Variants in SPAG17 observed in about 807,000 individuals in gnomAD.
The protein encoded by SPAG17 is sperm associated antigen 17.
A neutral mutation model predicts 273.6 loss-of-function variants in SPAG17; 169 were observed. The ratio of observed to expected loss-of-function variants is 0.62; its 90% CI spans 0.55 to 0.70. The LOEUF is 0.70. SPAG17 is among the 30% of genes least tolerant of loss of function. The pLI is 0.00. For missense variants in SPAG17, 2,557 were observed against 2,627.8 expected (o/e 0.97, Z 0.59); for synonymous variants, 825 against 873.2 (o/e 0.94, Z 0.97).
chr1:118,183,946 A>G (rs916941740), intron 1 of SPAG17, among the ~76,000 whole-genome samples: 6 of 152,230 alleles, frequency 3.9e-5, no homozygotes, highest in African/African-American at 1.4e-4. Context: ...CTGAGTTGAC[A>G]TCCAGCATTA....
At chr1:118,165,932 C>T (rs935375073) in intron 1 of SPAG17, among the ~76,000 whole-genome samples, 1 of 152,080 alleles carries the variant, frequency 6.6e-6, no homozygotes, top group East Asian at 1.9e-4. Flanking sequence ...CGTGAGCCAC[C>T]GCACCCGGCC....
intron 20 of SPAG17, among the ~76,000 whole-genome samples, chr1:118,048,810 T>C (rs1237859034): frequency 2.0e-5 from 3 of 151,884 alleles, no homozygotes; most frequent in African/African-American, 7.3e-5. Flanking sequence ...GCACAAGAAT[T>C]GCTTAAACCC....
chr1:118,046,197 C>A (rs1650332568), intron 20 of SPAG17, among the ~76,000 whole-genome samples: 1 of 151,908 alleles, frequency 6.6e-6, no homozygotes, highest in Non-Finnish European at 1.5e-5. Flanking sequence ...CTTAGCTGGG[C>A]ATGGTGGCAC....
At chr1:117,972,077 GT>G (rs1654624111) in intron 44 of SPAG17, 30 bp from the exon 45 acceptor site, 2 of 1,559,726 alleles carry the variant, frequency 1.3e-6, no homozygotes, top group African/African-American at 2.8e-5. Context: ...TAATAAAATG[GT>G]TCTATTTTGA....
At chr1:118,168,369 G>GT (rs1356229246) in intron 1 of SPAG17, among the ~76,000 whole-genome samples, 1 of 152,102 alleles carries the variant, frequency 6.6e-6, no homozygotes, top group Non-Finnish European at 1.5e-5. Context: ...TTCAATATCT[G>GT]TAAGAGAGGT....
chr1:118,180,800 G>C (rs1158624151), intron 1 of SPAG17, among the ~76,000 whole-genome samples: 2 of 151,974 alleles, frequency 1.3e-5, no homozygotes, highest in Admixed American at 1.3e-4. Flanking sequence ...ATGCTAGATA[G>C]TAGCTGAAAG....
intron 42 of SPAG17, among the ~76,000 whole-genome samples, chr1:117,981,739 C>A (rs774161271): frequency 2.7e-4 from 41 of 152,122 alleles, no homozygotes; most frequent in Admixed American, 1.9e-3. Context: ...CTACTTTTAC[C>A]TGGTAACGGC....
intron 46 of SPAG17, 151 bp from the exon 47 acceptor site, chr1:117,966,904 A>C: frequency 1.7e-6 from 1 of 588,848 alleles, no homozygotes. Context: ...TATTATAAGC[A>C]TTTAGCGGAA....
chr1:118,074,069 G>A, intron 16 of SPAG17, 102 bp from the exon 17 acceptor site: 1 of 728,660 alleles, frequency 1.4e-6, no homozygotes, highest in Non-Finnish European at 2.2e-6. Context: ...CATCTAATTG[G>A]GGAAATCTGC....
At chr1:117,994,826 A>C (rs563724346) in intron 34 of SPAG17, among the ~76,000 whole-genome samples, 1 of 152,088 alleles carries the variant, frequency 6.6e-6, no homozygotes, top group Admixed American at 6.6e-5. Flanking sequence ...TGTTGAGTCC[A>C]TCTTTTTCCC....
chr1:118,093,004 G>GC (rs1413259400), intron 8 of SPAG17, 152 bp downstream of exon 8: 2 of 770,332 alleles, frequency 2.6e-6, no homozygotes, highest in African/African-American at 3.5e-5. Flanking sequence ...GCTTCACAAA[G>GC]CCCCCATCAT....
intron 1 of SPAG17, among the ~76,000 whole-genome samples, chr1:118,156,975 G>A (rs1191583469): frequency 6.6e-6 from 1 of 152,080 alleles, no homozygotes; most frequent in Admixed American, 6.6e-5. Context: ...AGCAACTACT[G>A]CTTGATTCAC....
Position 117,971,913 on chromosome 1 carries a change from A to G in SPAG17, c.6276T>C (p.His2092=), listed in dbSNP as rs1244737062. 1 of 1,614,106 alleles carries G rather than the reference A, an allele frequency of 6.2e-7. No individual in the cohort carries two copies. Among genetic ancestry groups the G allele is most frequent in the Non-Finnish European group, 8.5e-7 (1 of 1,179,984 alleles). ...TGAGCTTTACAACTGTGGCATAGGT[A>G]TGTCCTTCCTTAAGCACTCCAAACT... ...SVKFGVLKEG[H]TYATVVKLKN... The change falls in exon 45 of 49, where the codon CAT becomes CAC. Residue 2092 remains histidine (H), a synonymous_variant. Transcript: ENST00000336338.
intron 37 of SPAG17, among the ~76,000 whole-genome samples, chr1:117,991,191 A>G (rs1033392596): frequency 5.3e-5 from 8 of 152,222 alleles, no homozygotes; most frequent in Non-Finnish European, 8.8e-5. Flanking sequence ...GAAGACAATA[A>G]AAGTTTCATT....
At chr1:117,974,322 G>T (rs1400485026) in intron 43 of SPAG17, among the ~76,000 whole-genome samples, 3 of 151,876 alleles carry the variant, frequency 2.0e-5, no homozygotes, top group Non-Finnish European at 4.4e-5. Flanking sequence ...CCTAATACTG[G>T]TCCTCACAAC....
intron 19 of SPAG17, among the ~76,000 whole-genome samples, chr1:118,054,723 TTTTTC>T (rs1651458737): frequency 6.6e-6 from 1 of 152,026 alleles, no homozygotes; most frequent in Non-Finnish European, 1.5e-5. Context: ...TATCTATTTA[TTTTTC>T]TTTTCTTTTT....
chr1:118,036,702 G>A, intron 24 of SPAG17, 68 bp downstream of exon 24: 2 of 1,011,394 alleles, frequency 2.0e-6, no homozygotes, highest in Non-Finnish European at 3.0e-6. Flanking sequence ...TGAGCAGACT[G>A]AGAATGGGCA....
chr1:118,052,875 T>G (rs1651221379), intron 20 of SPAG17, among the ~76,000 whole-genome samples: 1 of 152,024 alleles, frequency 6.6e-6, no homozygotes, highest in African/African-American at 2.4e-5. Context: ...AGTACTGTAA[T>G]TTTTATCTAT....
At chr1:118,080,509 AT>A (rs1300466011) in intron 15 of SPAG17, among the ~76,000 whole-genome samples, 2 of 152,224 alleles carry the variant, frequency 1.3e-5, no homozygotes, top group African/African-American at 2.4e-5. Context: ...ATTGTGTTCT[AT>A]TTTGCAGATA....
Sources: allele counts gnomAD v4.1 joint callset (sites outside exome capture counted in the v4.1 genomes callset), GRCh38; gene constraint gnomAD v4.1.1; transcripts MANE v1.5; gene names NCBI Gene and HGNC (gene_info 2026-07-23, HGNC 2026-07-21).